The following EPB41L2 variants were observed in gnomAD, a reference collection of about 807,000 sequenced individuals.
The protein encoded by EPB41L2 is band 4.1-like protein 2.
Under a neutral mutation model 113.0 loss-of-function variants are expected in EPB41L2, and 43 were observed. That is an observed-to-expected ratio of 0.38 (90% confidence interval 0.30 to 0.49). EPB41L2 has a LOEUF of 0.49. Ranked by LOEUF, EPB41L2 falls within the 20% of genes least tolerant of loss-of-function variation. The probability of loss-of-function intolerance (pLI) is 0.95; values close to 1 mark genes in which losing one functional copy is unlikely to be tolerated. For missense variants in EPB41L2, 1,147 were observed against 1,223.4 expected (o/e 0.94, Z 0.93); for synonymous variants, 442 against 436.7 (o/e 1.01, Z -0.15).
intron 14 of EPB41L2, among the ~76,000 whole-genome samples, chr6:130,874,109 T>C (rs900774604): frequency 4.6e-5 from 7 of 152,122 alleles, no homozygotes; most frequent in African/African-American, 1.7e-4. Context: ...GAGAGAATAG[T>C]CTATGCAAAT....
intron 1 of EPB41L2, among the ~76,000 whole-genome samples, chr6:131,002,031 C>T (rs746760518): frequency 2.0e-5 from 3 of 152,130 alleles, no homozygotes; most frequent in African/African-American, 7.2e-5. Context: ...TCACCTGAGC[C>T]GTCACATATA....
intron 1 of EPB41L2, among the ~76,000 whole-genome samples, chr6:131,059,542 T>C: frequency 1.2e-5 from 1 of 83,244 alleles, no homozygotes; most frequent in East Asian, 5.9e-4. Context: ...ACAAATCTCA[T>C]AATATCAAGT....
chr6:130,890,574 TTAAGTA>T lies in EPB41L2; in HGVS notation c.1488-114_1488-109del, dbSNP rs1427183425. ...AAGCTATGTACTTTCATATCTCATT[TTAAGTA>T]TGATTACTCAAAAACTAAACTTTCT... On this transcript the variant is annotated intron_variant, in intron 10 of 19. Transcript: ENST00000337057. 16 of 1,253,828 alleles carry T rather than the reference TTAAGTA, an allele frequency of 1.3e-5. No homozygotes were observed. In the East Asian group the frequency reaches 4.0e-4, roughly 32 times the overall value. 77.7% of individuals were successfully genotyped at this position (1,253,828 alleles called of 1,614,324 possible).
chr6:131,054,961 C>T (rs1797329355), intron 1 of EPB41L2, among the ~76,000 whole-genome samples: 3 of 152,216 alleles, frequency 2.0e-5, no homozygotes, highest in Admixed American at 2.0e-4. Context: ...GTGCTTTGGG[C>T]ATGACTGCCT....
intron 3 of EPB41L2, among the ~76,000 whole-genome samples, chr6:130,951,773 A>C (rs77050027): frequency 1.9e-3 from 286 of 151,948 alleles, no homozygotes; most frequent in African/African-American, 6.3e-3. Context: ...CATGAGACTT[A>C]ATTGGCCAAT....
chr6:130,960,213 G>A (rs1403828195), intron 1 of EPB41L2, among the ~76,000 whole-genome samples: 9 of 152,122 alleles, frequency 5.9e-5, no homozygotes, highest in Non-Finnish European at 1.5e-5. Context: ...CATTATGCAC[G>A]AATGACCTAC....
rs201793506 is a variant in EPB41L2, at chr6:130,898,103, A to G, written c.1236+1388T>C. Reference sequence around the variant, plus strand: ...GTGAATTCAACTGCCCAGGGGTCTAAAAAAAAAAAAAGAAAAGAAAAAAGG... The same window carrying G: ...GTGAATTCAACTGCCCAGGGGTCTAGAAAAAAAAAAAGAAAAGAAAAAAGG... On this transcript the variant is annotated intron_variant, in intron 8 of 19. Transcript: ENST00000337057. 1.6e-3 allele frequency among the ~76,000 whole-genome samples: 15 copies of G among 9,374 alleles called. No individual in the cohort carries two copies. In the South Asian group the frequency reaches 0.099, roughly 62 times the overall value. 6.1% of individuals were successfully genotyped at this position (9,374 alleles called of 152,430 possible).
chr6:130,971,778 T>C (rs576473779), intron 1 of EPB41L2, among the ~76,000 whole-genome samples: 14 of 152,372 alleles, frequency 9.2e-5, no homozygotes, highest in African/African-American at 3.4e-4. Flanking sequence ...GGAGGCCTAC[T>C]GTACAGCCTA....
chr6:130,950,258 G>C (rs1485444752), intron 3 of EPB41L2, among the ~76,000 whole-genome samples: 1 of 151,940 alleles, frequency 6.6e-6, no homozygotes, highest in African/African-American at 2.4e-5. Context: ...TTACAAAATA[G>C]AGAAGATACA....
chr6:130,892,403 C>CTTTTTTCTTTTTTTTTTTTTTTT (rs1793203868), intron 10 of EPB41L2, among the ~76,000 whole-genome samples: 2 of 92,640 alleles, frequency 2.2e-5, no homozygotes, highest in Non-Finnish European at 4.8e-5. Context: ...CAGATTATTG[C>CTTTTTTCTTTTTTTTTTTTTTTT]TTTTTTTTTT....
intron 8 of EPB41L2, 129 bp downstream of exon 8, chr6:130,899,362 C>A (rs1795624764): frequency 2.9e-6 from 2 of 698,650 alleles, no homozygotes; most frequent in South Asian, 3.7e-5. Flanking sequence ...AGGAAATATT[C>A]CAGAGACCCT....
chr6:130,857,505 C>A (rs1013532667), intron 19 of EPB41L2, among the ~76,000 whole-genome samples: 15 of 149,874 alleles, frequency 1.0e-4, no homozygotes, highest in Admixed American at 2.7e-4. Context: ...CATTTTTACA[C>A]AGTCAAAGAA....
intron 1 of EPB41L2, among the ~76,000 whole-genome samples, chr6:130,963,015 T>C (rs1470816314): frequency 6.6e-6 from 1 of 152,198 alleles, no homozygotes; most frequent in Non-Finnish European, 1.5e-5. Flanking sequence ...TTAAATGCTG[T>C]TGTCATCTTG....
intron 1 of EPB41L2, among the ~76,000 whole-genome samples, chr6:131,037,081 A>C (rs1793473609): frequency 6.6e-6 from 1 of 152,254 alleles, no homozygotes; most frequent in African/African-American, 2.4e-5. Flanking sequence ...CTGTACAATA[A>C]AAATATTGCC....
chr6:130,980,582 T>C (rs1450767109), intron 1 of EPB41L2, among the ~76,000 whole-genome samples: 1 of 151,776 alleles, frequency 6.6e-6, no homozygotes, highest in Non-Finnish European at 1.5e-5. Context: ...AGGGGTGGGG[T>C]GGATCTAACA....
chr6:130,971,900 T>G (rs1373042232), intron 1 of EPB41L2, among the ~76,000 whole-genome samples: 1 of 152,250 alleles, frequency 6.6e-6, no homozygotes. Context: ...AACTCATTTA[T>G]ACAAGAATGT....
intron 1 of EPB41L2, among the ~76,000 whole-genome samples, chr6:131,038,014 A>G (rs1793705689): frequency 6.6e-6 from 1 of 152,234 alleles, no homozygotes; most frequent in African/African-American, 2.4e-5. Flanking sequence ...TCTTGTGTAT[A>G]TACATACAAA....
intron 1 of EPB41L2, among the ~76,000 whole-genome samples, chr6:131,033,373 G>A (rs1363506491): frequency 6.6e-6 from 1 of 152,150 alleles, no homozygotes; most frequent in Non-Finnish European, 1.5e-5. Flanking sequence ...CACATCCCTT[G>A]TAGAATTGTC....
chr6:131,038,856 A>G (rs891520095), intron 1 of EPB41L2, among the ~76,000 whole-genome samples: 2 of 152,244 alleles, frequency 1.3e-5, no homozygotes, highest in African/African-American at 4.8e-5. Context: ...GACTACTGGG[A>G]GCATAAGGAT....
Sources: allele counts gnomAD v4.1 joint callset (sites outside exome capture counted in the v4.1 genomes callset), GRCh38; gene constraint gnomAD v4.1.1; transcripts MANE v1.5; gene names NCBI Gene and HGNC (gene_info 2026-07-23, HGNC 2026-07-21).